FIP1L1: variants seen among roughly 807,000 people sequenced by gnomAD.
FIP1L1 encodes the protein factor interacting with PAPOLA and CPSF1, also known as pre-mRNA 3'-end-processing factor FIP1.
In FIP1L1, 21 loss-of-function variants were observed where a neutral mutation model predicts 84.6. The ratio of observed to expected loss-of-function variants is 0.25; its 90% CI spans 0.18 to 0.36. The LOEUF is 0.36. FIP1L1 is among the 10% of genes least tolerant of loss of function. The pLI, the probability that FIP1L1 is intolerant of heterozygous loss-of-function variation, is 1.00. For missense variants in FIP1L1, 526 were observed against 751.1 expected, an observed-to-expected ratio of 0.70 and a Z score of 3.50; for synonymous variants, 263 against 242.3, an observed-to-expected ratio of 1.09 and a Z score of -0.80.
At chr4:53,386,079 C>A (rs1578147427) in intron 5 of FIP1L1, among the ~76,000 whole-genome samples, 2 of 141,052 alleles carry the variant, frequency 1.4e-5, no homozygotes, top group Non-Finnish European at 1.5e-5. Flanking sequence ...GTTACAAGTT[C>A]ATTTTATATG....
At chr4:53,380,257 G>A (rs1560479139) in intron 3 of FIP1L1, among the ~76,000 whole-genome samples, 1 of 152,210 alleles carries the variant, frequency 6.6e-6, no homozygotes, top group African/African-American at 2.4e-5. Context: ...TGAATGGATA[G>A]ATTAAATGTG....
intron 3 of FIP1L1, among the ~76,000 whole-genome samples, chr4:53,381,959 C>T (rs539673814): frequency 2.0e-5 from 3 of 150,400 alleles, no homozygotes; most frequent in Non-Finnish European, 4.4e-5. Flanking sequence ...TTAGTAGAGA[C>T]GGGGTTTTAC....
At chr4:53,386,400 G>C (rs2149329222) in intron 5 of FIP1L1, among the ~76,000 whole-genome samples, 1 of 152,256 alleles carries the variant, frequency 6.6e-6, no homozygotes, top group South Asian at 2.1e-4. Context: ...TTTTATCTGT[G>C]AATGTATTAA....
chr4:53,405,917 A>T (rs1009929853), intron 10 of FIP1L1, among the ~76,000 whole-genome samples: 4 of 150,850 alleles, frequency 2.7e-5, no homozygotes, highest in Non-Finnish European at 5.9e-5. Context: ...GGCTGAGACA[A>T]TGGGGTGTTC....
chr4:53,441,462 T>C (rs962159612), intron 13 of FIP1L1, among the ~76,000 whole-genome samples: 4 of 151,988 alleles, frequency 2.6e-5, no homozygotes, highest in Admixed American at 6.6e-5. Flanking sequence ...TGTGTCTTTT[T>C]AGTTTAAAAA....
chr4:53,449,850 T>C (rs1775694303), intron 15 of FIP1L1, among the ~76,000 whole-genome samples: 1 of 152,164 alleles, frequency 6.6e-6, no homozygotes, highest in Non-Finnish European at 1.5e-5. Flanking sequence ...TAGTAGTTAA[T>C]CCATTTCGGC....
At chr4:53,453,947 T>G (rs971472258) in intron 16 of FIP1L1, among the ~76,000 whole-genome samples, 25 of 152,230 alleles carry the variant, frequency 1.6e-4, no homozygotes, top group African/African-American at 5.1e-4. Flanking sequence ...TGTATTCAAA[T>G]TTTTACTTCT....
At chr4:53,420,217 A>AAAAACAAAC (rs1462492022) in intron 11 of FIP1L1, among the ~76,000 whole-genome samples, 7 of 146,220 alleles carry the variant, frequency 4.8e-5, no homozygotes, top group African/African-American at 1.8e-4. Context: ...AAAAAAAAAA[A>AAAAACAAAC]AAAAAAAACC....
intron 14 of FIP1L1, 119 bp downstream of exon 14, chr4:53,442,826 T>C (rs1560573662): frequency 1.7e-6 from 1 of 598,132 alleles, no homozygotes; most frequent in African/African-American, 1.9e-5. Flanking sequence ...TTTTAATTTA[T>C]AAATCTAGAT....
chr4:53,382,366 A>C, intron 4 of FIP1L1, 31 bp downstream of exon 4: 1 of 1,569,476 alleles, frequency 6.4e-7, no homozygotes, highest in Non-Finnish European at 8.8e-7. Context: ...CCAGTTACTG[A>C]TACAAATCTT....
Position 53,417,738 on chromosome 4 carries a change from A to AACACACACAC in FIP1L1, c.923+3033_923+3042dup, listed in dbSNP as rs371194870. On this transcript the variant is annotated intron_variant, in intron 11 of 17. Transcript: ENST00000337488. ...CTCTTTGCTACTTTTTCTCTTTTTA[A>AACACACACAC]ACACACACACACACACACACACACA... Among the ~76,000 whole-genome samples the AACACACACAC allele has an allele frequency of 3.3e-4, 23 of 70,394 alleles. 1 individual carries two copies. Among genetic ancestry groups the AACACACACAC allele is most frequent in the African/African-American group, 1.7e-3 (22 of 13,324 alleles). The allele number at this position is 70,394 out of a possible 152,430, so 46.2% of individuals were successfully genotyped here.
intron 15 of FIP1L1, among the ~76,000 whole-genome samples, chr4:53,446,716 T>C (rs1041854988): frequency 2.6e-5 from 4 of 152,218 alleles, no homozygotes; most frequent in African/African-American, 9.6e-5. Flanking sequence ...TTCAGTTCCA[T>C]GTATATTTGT....
chr4:53,439,040 A>G (rs189333841), intron 13 of FIP1L1, among the ~76,000 whole-genome samples: 1 of 152,256 alleles, frequency 6.6e-6, no homozygotes, highest in Non-Finnish European at 1.5e-5. Context: ...ATAATCATGT[A>G]TTTACTTATG....
intron 5 of FIP1L1, 23 bp from the exon 6 acceptor site, chr4:53,389,786 T>G (rs1439346750): frequency 6.3e-7 from 1 of 1,586,726 alleles, no homozygotes; most frequent in Non-Finnish European, 8.6e-7. Flanking sequence ...AATTTCTGTT[T>G]TTTTTTGTTT....
chr4:53,382,475 T>A (rs1297416069), intron 4 of FIP1L1, 140 bp downstream of exon 4: 2 of 629,372 alleles, frequency 3.2e-6, no homozygotes, highest in Non-Finnish European at 5.7e-6. Context: ...TCCTACTTCA[T>A]CTGGTGCCAT....
intron 16 of FIP1L1, among the ~76,000 whole-genome samples, chr4:53,456,512 G>A (rs1719058093): frequency 6.6e-6 from 1 of 150,924 alleles, no homozygotes. Context: ...GAAAATCCAA[G>A]TGAAGTATAA....
rs188058682 is a variant in FIP1L1, at chr4:53,378,841, G to A, written c.86-232G>A. ...TTTGGGCACCATGCAGGTCCTTGAT[G>A]ATGTGACTTTGATAAACTTGTAAAA... On this transcript the variant is annotated intron_variant, in intron 1 of 17. Transcript: ENST00000337488. 1,879 of 541,460 alleles carry A rather than the reference G, an allele frequency of 3.5e-3. 27 individuals carry two copies. The highest frequency in any genetic ancestry group is 0.033 in the African/African-American group (1,731 of 51,864). 33.5% of individuals were successfully genotyped at this position (541,460 alleles called of 1,614,324 possible). A position where few individuals can be genotyped will look rare whatever the true frequency, so the allele number is the denominator to read the frequency against.
At chr4:53,407,524 G>A (rs1271638977) in intron 10 of FIP1L1, among the ~76,000 whole-genome samples, 3 of 151,952 alleles carry the variant, frequency 2.0e-5, no homozygotes, top group Non-Finnish European at 4.4e-5. Flanking sequence ...TGTCTATTAG[G>A]TCTGCTTGGT....
chr4:53,415,766 G>A (rs962383670), intron 11 of FIP1L1, among the ~76,000 whole-genome samples: 1 of 152,074 alleles, frequency 6.6e-6, no homozygotes, highest in Admixed American at 6.5e-5. Context: ...TGAGTTGTAA[G>A]TATTTCCTGT....
Sources: allele counts gnomAD v4.1 joint callset (sites outside exome capture counted in the v4.1 genomes callset), GRCh38; gene constraint gnomAD v4.1.1; transcripts MANE v1.5; gene names NCBI Gene and HGNC (gene_info 2026-07-23, HGNC 2026-07-21).